TMEM132B: variants seen among roughly 807,000 people sequenced by gnomAD.
The protein encoded by TMEM132B is transmembrane protein 132B.
TMEM132B carries 18 observed loss-of-function variants against 90.8 expected under a neutral mutation model. That is an observed-to-expected ratio of 0.20 (90% CI 0.14 to 0.29). The LOEUF is 0.29. Ranked by LOEUF, TMEM132B falls within the 10% of genes least tolerant of loss-of-function variation. The probability of loss-of-function intolerance (pLI) is 1.00; values close to 1 mark genes in which losing one functional copy is unlikely to be tolerated. For missense variants in TMEM132B, 1,096 were observed against 1,326.8 expected (o/e 0.83, Z 2.70); for synonymous variants, 504 against 523.3 (o/e 0.96, Z 0.50).
At chr12:125,210,343 C>T (rs972773568) in intron 1 of TMEM132B, among the ~76,000 whole-genome samples, 2 of 152,136 alleles carry the variant, frequency 1.3e-5, no homozygotes, top group Non-Finnish European at 1.5e-5. Context: ...GTTAGAGGAG[C>T]AGCAGAGCTG....
intron 1 of TMEM132B, among the ~76,000 whole-genome samples, chr12:125,228,207 C>T (rs1172358133): frequency 6.6e-6 from 1 of 152,120 alleles, no homozygotes; most frequent in Non-Finnish European, 1.5e-5. Context: ...GTTTCCGAGC[C>T]TCAGAAAGAT....
intron 1 of TMEM132B, among the ~76,000 whole-genome samples, chr12:125,206,135 T>A (rs1243154915): frequency 6.6e-6 from 1 of 152,160 alleles, no homozygotes; most frequent in African/African-American, 2.4e-5. Context: ...CTTAGCTTTT[T>A]TCGCTTAGTT....
At chr12:125,203,408 G>A (rs1873110230) in intron 1 of TMEM132B, among the ~76,000 whole-genome samples, 1 of 152,222 alleles carries the variant, frequency 6.6e-6, no homozygotes, top group African/African-American at 2.4e-5. Context: ...TCACAGCTTT[G>A]AGAGGATCTT....
At chr12:125,208,204 T>C (rs1401197444) in intron 1 of TMEM132B, among the ~76,000 whole-genome samples, 3 of 152,106 alleles carry the variant, frequency 2.0e-5, no homozygotes, top group African/African-American at 7.2e-5. Context: ...AGTTAGGCAA[T>C]GAATGGAGGG....
chr12:125,201,187 G>A lies in TMEM132B; in HGVS notation c.67+14321G>A, dbSNP rs565419502. 1.6e-3 allele frequency among the ~76,000 whole-genome samples: 244 copies of A among 152,264 alleles called. No homozygotes were observed. The Middle Eastern group carries it at 0.02, about 13-fold the overall frequency. On this transcript the variant is annotated intron_variant, in intron 1 of 8. Transcript: ENST00000682704. ...GGGTCTGCATATTTCAGGGGGAAAA[G>A]TATTGGGGGAGGAGGTGTCGGCCTT...
Position 125,459,884 on chromosome 12 carries a change from A to G in TMEM132B, c.1106+44207A>G, listed in dbSNP as rs1256924445. Among the ~76,000 whole-genome samples, 1 of 152,124 alleles carries G rather than the reference A, an allele frequency of 6.6e-6. No homozygotes were observed. Among genetic ancestry groups the G allele is most frequent in the African/African-American group, 2.4e-5 (1 of 41,418 alleles). On this transcript the variant is annotated intron_variant, in intron 3 of 8. Coordinates refer to ENST00000682704, the MANE Select transcript of TMEM132B (RefSeq NM_001366854.1). The surrounding 1 kb of genome is among the most constrained non-coding windows in gnomAD (Gnocchi z 4.1). ...TAGTGGATAAGTCTCATGAGATCTG[A>G]TGATTTTATAAGGGGTTTCCCCTTT...
At chr12:125,542,821 C>G (rs76119050) in intron 4 of TMEM132B, among the ~76,000 whole-genome samples, 2,976 of 152,294 alleles carry the variant, frequency 0.02, 49 homozygotes, top group South Asian at 0.033. Flanking sequence ...CTCTTCGAAG[C>G]CTTGCTTTCT....
intron 3 of TMEM132B, among the ~76,000 whole-genome samples, chr12:125,496,330 G>T (rs747137153): frequency 6.6e-6 from 1 of 152,128 alleles, no homozygotes; most frequent in Non-Finnish European, 1.5e-5. Context: ...AAGGAGGTTT[G>T]CCTGGCACTT....
chr12:125,272,325 G>A (rs542402661), intron 1 of TMEM132B, among the ~76,000 whole-genome samples: 238 of 152,294 alleles, frequency 1.6e-3, no homozygotes, highest in Middle Eastern at 0.01. Flanking sequence ...TACCTTTTGG[G>A]GGGTTATTTA....
At chr12:125,214,028 C>A (rs1873379667) in intron 1 of TMEM132B, among the ~76,000 whole-genome samples, 1 of 152,158 alleles carries the variant, frequency 6.6e-6, no homozygotes, top group Non-Finnish European at 1.5e-5. Context: ...TCTCAGTCTA[C>A]TGGGGGGATA....
At chr12:125,307,959 ATATT>A (rs1464887189) in intron 1 of TMEM132B, among the ~76,000 whole-genome samples, 1 of 135,954 alleles carries the variant, frequency 7.4e-6, no homozygotes, top group East Asian at 2.0e-4. Flanking sequence ...AAGTATATAT[ATATT>A]AAGTAATATA....
At chr12:125,625,910 A>G (rs1268588851) in intron 5 of TMEM132B, among the ~76,000 whole-genome samples, 1 of 152,146 alleles carries the variant, frequency 6.6e-6, no homozygotes, top group Non-Finnish European at 1.5e-5. Context: ...TCTTGCTGTT[A>G]TGCATTTTTT....
intron 1 of TMEM132B, among the ~76,000 whole-genome samples, chr12:125,188,549 C>G (rs1230428333): frequency 7.1e-6 from 1 of 141,176 alleles, no homozygotes; most frequent in Admixed American, 7.2e-5. Context: ...CCCCCACCCC[C>G]GTCCCCCGCC....
intron 2 of TMEM132B, among the ~76,000 whole-genome samples, chr12:125,365,136 T>C (rs903629625): frequency 3.3e-5 from 5 of 152,032 alleles, no homozygotes; most frequent in African/African-American, 1.2e-4. Context: ...TTTCCTGCTT[T>C]TTTTTTGGGC....
intron 2 of TMEM132B, among the ~76,000 whole-genome samples, chr12:125,387,597 C>T (rs1031068402): frequency 6.6e-6 from 1 of 152,194 alleles, no homozygotes; most frequent in African/African-American, 2.4e-5. Context: ...GCATTGGAAA[C>T]AGCTTTTGAG....
chr12:125,538,546 C>A (rs1046640725), intron 4 of TMEM132B, among the ~76,000 whole-genome samples: 1 of 152,188 alleles, frequency 6.6e-6, no homozygotes, highest in South Asian at 2.1e-4. Context: ...TGTTGCCAAT[C>A]AATGAAACTT....
chr12:125,253,217 C>A (rs901030991), intron 1 of TMEM132B, among the ~76,000 whole-genome samples: 1 of 152,156 alleles, frequency 6.6e-6, no homozygotes, highest in African/African-American at 2.4e-5. Context: ...TCCACCTTGT[C>A]ATGAGAGCTG....
intron 5 of TMEM132B, among the ~76,000 whole-genome samples, chr12:125,602,076 C>A (rs570892335): frequency 6.6e-6 from 1 of 152,204 alleles, no homozygotes; most frequent in Admixed American, 6.5e-5. Flanking sequence ...CTATTCCAAA[C>A]AATTGAAAAG....
chr12:125,326,711 C>A (rs192147772), intron 1 of TMEM132B: 1 of 1,593,508 alleles, frequency 6.3e-7, no homozygotes, highest in Non-Finnish European at 8.5e-7. Context: ...GCAACCAGGA[C>A]AGGGATGGGA....
Sources: allele counts gnomAD v4.1 joint callset (sites outside exome capture counted in the v4.1 genomes callset), GRCh38; gene constraint gnomAD v4.1.1; non-coding constraint Gnocchi (gnomAD v3.1); transcripts MANE v1.5; gene names NCBI Gene and HGNC (gene_info 2026-07-23, HGNC 2026-07-21).